Variants in CDK6 observed in about 807,000 individuals in gnomAD.
The protein encoded by CDK6 is cyclin dependent kinase 6.
In CDK6, 6 loss-of-function variants were observed where a neutral mutation model predicts 37.1. That is an observed-to-expected ratio of 0.16 (90% confidence interval 0.09 to 0.32). CDK6 has a LOEUF of 0.32. Ranked by LOEUF, CDK6 falls within the 10% of genes least tolerant of loss-of-function variation. The pLI, the probability that CDK6 is intolerant of heterozygous loss-of-function variation, is 1.00. For missense variants in CDK6, 224 were observed against 418.9 expected, an observed-to-expected ratio of 0.53 and a Z score of 4.06; for synonymous variants, 160 against 161.3, an observed-to-expected ratio of 0.99 and a Z score of 0.06.
At chr7:92,742,292 T>A (rs1798942258) in intron 3 of CDK6, among the ~76,000 whole-genome samples, 1 of 152,240 alleles carries the variant, frequency 6.6e-6, no homozygotes, top group African/African-American at 2.4e-5. Flanking sequence ...TCCTTGAATA[T>A]TTCCAATCTC....
chr7:92,736,424 C>T (rs941920800), intron 3 of CDK6, among the ~76,000 whole-genome samples: 1 of 152,118 alleles, frequency 6.6e-6, no homozygotes, highest in African/African-American at 2.4e-5. Flanking sequence ...TACCTACATA[C>T]TTCATGTCAG....
intron 4 of CDK6, among the ~76,000 whole-genome samples, chr7:92,672,242 C>CACACACACACAACACACACACACACAT (rs1374477819): frequency 1.7e-5 from 2 of 116,556 alleles, no homozygotes; most frequent in African/African-American, 8.6e-5. Context: ...CACACACACA[C>CACACACACACAACACACACACACACAT]ATATATGAAG....
chr7:92,629,150 C>T (rs974934778), intron 5 of CDK6, among the ~76,000 whole-genome samples: 8 of 151,890 alleles, frequency 5.3e-5, no homozygotes, highest in Non-Finnish European at 7.4e-5. Flanking sequence ...GACGAAGTTC[C>T]GTCACAGAGA....
intron 5 of CDK6, among the ~76,000 whole-genome samples, chr7:92,642,052 C>T (rs572385822): frequency 6.6e-6 from 1 of 152,144 alleles, no homozygotes; most frequent in South Asian, 2.1e-4. Context: ...TGTGAGCTGG[C>T]GTAAGGTACT....
chr7:92,660,738 T>C (rs1409921448), intron 5 of CDK6, among the ~76,000 whole-genome samples: 1 of 151,978 alleles, frequency 6.6e-6, no homozygotes, highest in Admixed American at 6.6e-5. Context: ...AGGACTTGGA[T>C]ACAGAAGGAT....
At position 92,671,549 on chromosome 7, in the gene CDK6, C is replaced by T. The variant is rs2301557; in HGVS notation, c.538-14G>A. The T allele has an allele frequency of 0.031, 47,160 of 1,512,180 alleles. 2,722 individuals are homozygous for T. The highest frequency in any genetic ancestry group is 0.31 in the East Asian group (12,551 of 40,688). The allele number at this position is 1,512,180 out of a possible 1,614,324, so 93.7% of individuals were successfully genotyped here. A position where few individuals can be genotyped will look rare whatever the true frequency, so the allele number is the denominator to read the frequency against. Reference sequence around the variant, plus strand: ...CAGCGTGACGACCTGCAATGGCAAGCGGATCCAAGTGTTACTGAGAAGGTG... The same window carrying T: ...CAGCGTGACGACCTGCAATGGCAAGTGGATCCAAGTGTTACTGAGAAGGTG... On this transcript the variant is annotated splice_polypyrimidine_tract_variant and intron_variant, in intron 4 of 7. Coordinates refer to ENST00000424848, the MANE Select transcript of CDK6 (RefSeq NM_001145306.2).
chr7:92,681,822 T>C (rs901040455), intron 4 of CDK6, among the ~76,000 whole-genome samples: 5 of 152,196 alleles, frequency 3.3e-5, no homozygotes, highest in Admixed American at 1.3e-4. Context: ...GAGCACTCCA[T>C]GTGCCTGTCC....
chr7:92,690,283 C>T (rs1338129829), intron 4 of CDK6, among the ~76,000 whole-genome samples: 1 of 152,026 alleles, frequency 6.6e-6, no homozygotes, highest in African/African-American at 2.4e-5. Context: ...TTTAATTCAC[C>T]TTGAGATAAT....
chr7:92,767,665 T>C (rs1336256041), intron 3 of CDK6, among the ~76,000 whole-genome samples: 3 of 152,150 alleles, frequency 2.0e-5, no homozygotes, highest in South Asian at 4.2e-4. Context: ...TTTATCCCCC[T>C]GTCTACTCTC....
rs562348041 is a variant in CDK6, at chr7:92,672,848, C to T, written c.538-1313G>A. 2.0e-5 allele frequency among the ~76,000 whole-genome samples: 3 copies of T among 152,308 alleles called. No homozygotes were observed. In the South Asian group the frequency reaches 6.2e-4, roughly 32 times the overall value. On this transcript the variant is annotated intron_variant, in intron 4 of 7. Coordinates refer to ENST00000424848, the MANE Select transcript of CDK6 (RefSeq NM_001145306.2). ...TATATTACTTGGTGTGCTAAGATTGCAGTAGCAAGTCTCAATAAATGGCGG... is the reference window on the plus strand; with the variant it reads ...TATATTACTTGGTGTGCTAAGATTGTAGTAGCAAGTCTCAATAAATGGCGG...
intron 2 of CDK6, among the ~76,000 whole-genome samples, chr7:92,780,999 A>C (rs542427809): frequency 1.7e-3 from 257 of 152,342 alleles, no homozygotes; most frequent in Non-Finnish European, 3.1e-3. Flanking sequence ...CAATGTATTG[A>C]ATATGAACAA....
rs1168451355 is a variant in CDK6, at chr7:92,835,981, A to G, written c.-368+497T>C. Among the ~76,000 whole-genome samples, 1 of 152,032 alleles carries G rather than the reference A, an allele frequency of 6.6e-6. No homozygotes were observed. Among genetic ancestry groups the G allele is most frequent in the Non-Finnish European group, 1.5e-5 (1 of 67,988 alleles). ...CGTTAACATTTATCTCGTGGAGGGG[A>G]AGGTGGAGCCCACACCCACACCTCA... On this transcript the variant is annotated intron_variant, in intron 1 of 7. Coordinates refer to ENST00000424848, the MANE Select transcript of CDK6 (RefSeq NM_001145306.2). The surrounding 1 kb of genome is among the most constrained non-coding windows in gnomAD (Gnocchi z 4.2).
At chr7:92,726,406 C>T (rs776511968) in intron 3 of CDK6, among the ~76,000 whole-genome samples, 3 of 152,072 alleles carry the variant, frequency 2.0e-5, no homozygotes, top group Non-Finnish European at 2.9e-5. Context: ...CAAGAGAGTG[C>T]TGATTAACTG....
intron 2 of CDK6, among the ~76,000 whole-genome samples, chr7:92,791,410 C>T (rs2115856817): frequency 6.6e-6 from 1 of 152,168 alleles, no homozygotes; most frequent in East Asian, 1.9e-4. Flanking sequence ...TTTAATATCC[C>T]AAATGTGAAT....
At chr7:92,827,667 T>C (rs1801360358) in intron 2 of CDK6, among the ~76,000 whole-genome samples, 1 of 152,156 alleles carries the variant, frequency 6.6e-6, no homozygotes, top group Admixed American at 6.5e-5. Context: ...ATGCTTGTTA[T>C]CAACCACCGG....
intron 1 of CDK6, among the ~76,000 whole-genome samples, chr7:92,836,017 G>A (rs1801661508): frequency 6.6e-6 from 1 of 152,320 alleles, no homozygotes; most frequent in East Asian, 1.9e-4. Context: ...GCGAGCTGGA[G>A]AGGGAGTTTT....
At chr7:92,778,010 T>G (rs898386611) in intron 2 of CDK6, among the ~76,000 whole-genome samples, 2 of 152,018 alleles carry the variant, frequency 1.3e-5, no homozygotes, top group African/African-American at 4.8e-5. Context: ...TGGTTCACCA[T>G]GTCATCCTTC....
chr7:92,693,588 A>T (rs1797644810), intron 4 of CDK6, among the ~76,000 whole-genome samples: 1 of 152,222 alleles, frequency 6.6e-6, no homozygotes, highest in African/African-American at 2.4e-5. Flanking sequence ...TTAATTTTTC[A>T]TAATGAGTAA....
At chr7:92,664,918 T>C (rs1796921251) in intron 5 of CDK6, among the ~76,000 whole-genome samples, 1 of 151,714 alleles carries the variant, frequency 6.6e-6, no homozygotes, top group Non-Finnish European at 1.5e-5. Flanking sequence ...CCCGAGTAGG[T>C]GGGACTACAG....
Sources: gnomAD v4.1 joint callset for allele counts (sites outside exome capture counted in the v4.1 genomes callset) on GRCh38, gnomAD v4.1.1 for gene constraint, Gnocchi (gnomAD v3.1) non-coding constraint, MANE v1.5 for transcripts, NCBI Gene and HGNC (gene_info 2026-07-23, HGNC 2026-07-21) for gene names.